Variants in TRIP11 observed in about 807,000 individuals in gnomAD.
TRIP11 encodes thyroid receptor-interacting protein 11.
In TRIP11, 148 loss-of-function variants were observed where a neutral mutation model predicts 223.1. The ratio of observed to expected loss-of-function variants is 0.66; its 90% CI spans 0.58 to 0.76. The LOEUF is 0.76. Ranked by LOEUF, TRIP11 falls within the 30% of genes least tolerant of loss-of-function variation. The pLI, the probability that TRIP11 is intolerant of heterozygous loss-of-function variation, is 0.00. For synonymous variants in TRIP11, 762 were observed against 772.6 expected, an observed-to-expected ratio of 0.99 and a Z score of 0.23; for missense variants, 2,043 against 2,222.0, an observed-to-expected ratio of 0.92 and a Z score of 1.62.
At position 91,993,891 on chromosome 14, in the gene TRIP11, G is replaced by T; in HGVS notation, c.5078C>A (p.Ala1693Asp). The stretch of plus-strand genomic sequence containing the variant: ...AAGCTGTTTTTGCTTTTCGAGTTCA[G>T]CAGAATACATAGCTTTTTCCTCTAA... ...FQQEEKAMYS[A>D]ELEKQKQLIA... Residue 1693 changes from alanine to aspartate, a missense_variant, in exon 15 of 21, where the codon GCT becomes GAT. Physicochemically the swap from Ala to Asp is moderately radical, Grantham distance 126 (BLOSUM62 -2). Transcript: ENST00000267622. The T allele has an allele frequency of 6.2e-7, 1 of 1,613,136 alleles. No homozygotes were observed. The highest frequency in any genetic ancestry group is 2.2e-5 in the East Asian group (1 of 44,818).
At position 92,017,705 on chromosome 14, in the gene TRIP11, A is replaced by G. The variant is rs200713825; in HGVS notation, c.634T>C (p.Cys212Arg). 24 of 1,612,660 alleles carry G rather than the reference A, an allele frequency of 1.5e-5. No homozygotes were observed. Among genetic ancestry groups the G allele is most frequent in the Non-Finnish European group, 1.9e-5 (22 of 1,179,190 alleles). Reference sequence around the variant, plus strand: ...ACCTTAATGATATTTTGTAGTTTACATATTTCACTTTGATCAGAGTTATCT... The same window carrying G: ...ACCTTAATGATATTTTGTAGTTTACGTATTTCACTTTGATCAGAGTTATCT... ...GTDNSDQSEI[C>R]KLQNIIKELK... is the part of the protein sequence containing the mutation. Residue 212 changes from cysteine (C) to arginine (R), a missense_variant, in exon 5 of 21, where the codon TGT becomes CGT. Coordinates refer to ENST00000267622, the MANE Select transcript of TRIP11 (RefSeq NM_004239.4).
chr14:92,017,434 G>T (rs1369109854), intron 5 of TRIP11, among the ~76,000 whole-genome samples: 2 of 152,096 alleles, frequency 1.3e-5, no homozygotes, highest in Non-Finnish European at 2.9e-5. Flanking sequence ...TGTAGTCCCA[G>T]TTACATGGGA....
intron 7 of TRIP11, 121 bp downstream of exon 7, chr14:92,014,094 C>G (rs1321392235): frequency 1.9e-5 from 26 of 1,345,874 alleles, no homozygotes; most frequent in Non-Finnish European, 2.6e-5. Flanking sequence ...CCAAATGACA[C>G]ACAGTCATTT....
Position 92,003,431 on chromosome 14 carries a change from T to C in TRIP11, c.4545A>G (p.Lys1515=), listed in dbSNP as rs1407211009. ...ATCCAGAACACACCTGTTCTTTCTC[T>C]TTCAATAGCTGTTCAAAAGCAAGAG... ...EKALAFEQLL[K]EKEQGKTGEL... The change falls in exon 11 of 21, where the codon AAA becomes AAG. Residue 1515 remains lysine, a synonymous_variant. Transcript: ENST00000267622. 1.2e-6 allele frequency: 2 copies of C among 1,613,484 alleles called. No individual in the cohort carries two copies. Among genetic ancestry groups the C allele is most frequent in the African/African-American group, 1.3e-5 (1 of 75,058 alleles).
chr14:91,982,841 G>A (rs781284681), intron 16 of TRIP11, among the ~76,000 whole-genome samples: 2 of 152,120 alleles, frequency 1.3e-5, no homozygotes, highest in South Asian at 4.1e-4. Flanking sequence ...TACAATTTGT[G>A]TTTGTGATCC....
In TRIP11 at chr14:91,999,420, C is replaced by T. The variant is rs534500568; in HGVS notation, c.4712G>A (p.Arg1571His). 30 of 1,613,720 alleles carry T rather than the reference C, an allele frequency of 1.9e-5. No homozygotes were observed. Among genetic ancestry groups the T allele is most frequent in the African/African-American group, 4.0e-5 (3 of 75,026 alleles). ...TALQNEVQRL[R>H]DKEFRSNQEL... ...TTGGTTTGAACGAAATTCTTTGTCA[C>T]GTAAACGTTGAACCTAGGTAGAGGA... The change falls in exon 13 of 21, where the codon CGT becomes CAT. Residue 1571 changes from arginine (R) to histidine (H), a missense_variant. Physicochemically the swap from Arg to His is conservative, Grantham distance 29 (BLOSUM62 0). Coordinates refer to ENST00000267622, the MANE Select transcript of TRIP11 (RefSeq NM_004239.4).
rs768444037 is a variant in TRIP11 at position 92,014,551 on chromosome 14, G to C, written c.850C>G (p.Leu284Val). The C allele has an allele frequency of 4.4e-6, 7 of 1,603,076 alleles. No homozygotes were observed. In the African/African-American group the frequency reaches 8.1e-5, roughly 18 times the overall value. The change falls in exon 7 of 21, where the codon CTC (leucine) becomes GTC (valine). Residue 284 changes from leucine to valine, a missense_variant. Transcript: ENST00000267622. ...TTTTGCATCTCATAGATTTTAGAGA[G>C]ATCAGTTTCTATAACTCCAGAGCCA... ...QGGSGVIETD[L>V]SKIYEMQKTI...
chr14:92,030,732 T>C (rs2057254556), intron 2 of TRIP11: 1 of 152,226 alleles, frequency 6.6e-6, no homozygotes, highest in African/African-American at 2.4e-5. Context: ...TTACTTGATA[T>C]GTTCATATGT....
intron 18 of TRIP11, 89 bp downstream of exon 18, chr14:91,975,083 A>G: frequency 2.5e-6 from 3 of 1,217,014 alleles, no homozygotes; most frequent in East Asian, 2.3e-5. Context: ...ACACTCAGTA[A>G]AAGTTACATA....
intron 2 of TRIP11, among the ~76,000 whole-genome samples, chr14:92,030,372 C>T (rs2057249447): frequency 1.3e-5 from 2 of 151,952 alleles, no homozygotes; most frequent in Non-Finnish European, 2.9e-5. Context: ...AGATACATGA[C>T]AGTATTCTTT....
chr14:91,985,229 G>A (rs752019683), intron 16 of TRIP11, among the ~76,000 whole-genome samples: 4 of 151,958 alleles, frequency 2.6e-5, no homozygotes, highest in African/African-American at 9.7e-5. Context: ...GTATCTACAC[G>A]ATGTGTCATT....
chr14:92,012,285 A>T (rs2056982196), intron 7 of TRIP11, among the ~76,000 whole-genome samples: 1 of 152,226 alleles, frequency 6.6e-6, no homozygotes, highest in Admixed American at 6.5e-5. Flanking sequence ...TATTATAGAT[A>T]GATCTATAAA....
chr14:92,006,300 A>G lies in TRIP11; in HGVS notation c.1676T>C (p.Val559Ala), dbSNP rs2056901880. Residue 559 changes from valine (V) to alanine (A), a missense_variant, in exon 11 of 21, where the codon GTA becomes GCA. Physicochemically the swap from Val to Ala is moderately conservative, Grantham distance 64. Coordinates refer to ENST00000267622, the MANE Select transcript of TRIP11 (RefSeq NM_004239.4). ...ACTTTGAATTAGCTTTTCTTTCTGT[A>G]CATCTAACTCTTTAGTAATGTCCAT... is the stretch of plus-strand genomic sequence containing the variant. ...DKMDITKELD[V>A]QKEKLIQSEV... 6 of 1,610,298 alleles carry G rather than the reference A, an allele frequency of 3.7e-6. No homozygotes were observed. In the East Asian group the frequency reaches 1.3e-4, roughly 36 times the overall value.
rs376016405 is a variant in TRIP11, at chr14:91,966,042, A to AT, written c.*3630dup. On this transcript the variant is annotated 3_prime_UTR_variant, in exon 21 of 21. Coordinates refer to ENST00000267622, the MANE Select transcript of TRIP11 (RefSeq NM_004239.4). Reference sequence around the variant, plus strand: ...GACTGAAGACATTGCCAACTTACATATATCATTTTTATTTGGAGTATTTTT... The same window carrying AT: ...GACTGAAGACATTGCCAACTTACATATTATCATTTTTATTTGGAGTATTTTT... The AT allele has an allele frequency of 4.9e-3, 840 of 169,736 alleles. 8 individuals are homozygous for AT. Among genetic ancestry groups the AT allele is most frequent in the African/African-American group, 0.019 (803 of 42,102 alleles). The allele number at this position is 169,736 out of a possible 1,614,324, so 10.5% of individuals were successfully genotyped here.
Position 92,004,134 on chromosome 14 carries a change from A to C in TRIP11, c.3842T>G (p.Leu1281Arg), listed in dbSNP as rs555250643. 2 of 1,614,168 alleles carry C rather than the reference A, an allele frequency of 1.2e-6. No homozygotes were observed. Among genetic ancestry groups the C allele is most frequent in the Non-Finnish European group, 1.7e-6 (2 of 1,180,040 alleles). The part of the protein sequence containing the change: ...IQSYEQNETK[L>R]KNFGQELAQV... ...TGCTAATTCCTGCCCAAAATTTTTG[A>C]GTTTGGTTTCATTCTGCTCATAACT... Residue 1281 changes from leucine (L) to arginine (R), a missense_variant, in exon 11 of 21, where the codon CTC (leucine) becomes CGC (arginine). Coordinates refer to ENST00000267622, the MANE Select transcript of TRIP11 (RefSeq NM_004239.4).
Position 92,014,283 on chromosome 14 carries a change from T to C in TRIP11, c.1118A>G (p.Glu373Gly). ...ACTCTGGGCAAGAATTCTTTCCTTT[T>C]CTGTCATAGTATCACTTTGCTTCAC... is the stretch of plus-strand genomic sequence containing the variant. ...SAVKQSDTMT[E>G]KERILAQSAS... is the part of the protein sequence containing the mutation. The change falls in exon 7 of 21, where the codon GAA becomes GGA. Residue 373 changes from glutamate (E) to glycine (G), a missense_variant. Physicochemically the swap from Glu to Gly is moderately conservative, Grantham distance 98 (BLOSUM62 -2). Coordinates refer to ENST00000267622, the MANE Select transcript of TRIP11 (RefSeq NM_004239.4). The C allele has an allele frequency of 1.2e-6, 2 of 1,614,078 alleles. No homozygotes were observed. The highest frequency in any genetic ancestry group is 1.7e-6 in the Non-Finnish European group (2 of 1,179,996).
At position 92,025,360 on chromosome 14, in the gene TRIP11, G is replaced by C. The variant is rs777752254; in HGVS notation, c.262C>G (p.Gln88Glu). The change falls in exon 3 of 21, where the codon CAA (glutamine) becomes GAA (glutamate). Residue 88 changes from glutamine (Q) to glutamate (E), a missense_variant. Gln to Glu is a conservative substitution (Grantham distance 29). Coordinates refer to ENST00000267622, the MANE Select transcript of TRIP11 (RefSeq NM_004239.4). ...TAACTTGTAGATTGCTGCTTTATTT[G>C]AATCTCTGATGCTTCATGTTTCTCT... ...LEEKHEASEI[Q>E]IKQQSTSYRN... 90 of 1,613,394 alleles carry C rather than the reference G, an allele frequency of 5.6e-5. No homozygotes were observed. Among genetic ancestry groups the C allele is most frequent in the Non-Finnish European group, 7.5e-5 (89 of 1,179,912 alleles).
At chr14:92,026,833 T>C in intron 2 of TRIP11, 1 of 1,425,464 alleles carries the variant, frequency 7.0e-7, no homozygotes, top group East Asian at 2.3e-5. Flanking sequence ...CAGCTGAAGA[T>C]GATGAGGATG....
intron 15 of TRIP11, among the ~76,000 whole-genome samples, chr14:91,990,525 G>C (rs576844471): frequency 6.6e-6 from 1 of 152,280 alleles, no homozygotes; most frequent in East Asian, 1.9e-4. Context: ...GCTGGGTGCT[G>C]TGACACATGC....
Sources: gnomAD v4.1 joint callset for allele counts (sites outside exome capture counted in the v4.1 genomes callset) on GRCh38, gnomAD v4.1.1 for gene constraint, MANE v1.5 for transcripts, NCBI Gene and HGNC (gene_info 2026-07-23, HGNC 2026-07-21) for gene names.